Variants in GALNT17 observed in about 807,000 individuals in gnomAD.
The protein encoded by GALNT17 is UDP-GalNAc:polypeptide N-acetylgalactosaminyltransferase-like 3.
A neutral mutation model predicts 63.7 loss-of-function variants in GALNT17; 29 were observed. The observed-to-expected ratio is 0.46, with a 90% CI of 0.34 to 0.62. GALNT17 has a LOEUF of 0.62. GALNT17 is among the 20% of genes least tolerant of loss of function. GALNT17 has a pLI of 0.01. For missense variants in GALNT17, 603 were observed against 799.6 expected, an observed-to-expected ratio of 0.75 and a Z score of 2.97; for synonymous variants, 305 against 318.3, an observed-to-expected ratio of 0.96 and a Z score of 0.45.
chr7:71,320,132 T>C (rs531172094), intron 1 of GALNT17, among the ~76,000 whole-genome samples: 1 of 152,316 alleles, frequency 6.6e-6, no homozygotes, highest in Non-Finnish European at 1.5e-5. Context: ...GTTGAGCAGA[T>C]ACATACTCTC....
chr7:71,580,395 TG>T (rs761240388), intron 6 of GALNT17, among the ~76,000 whole-genome samples: 22,584 of 132,888 alleles, frequency 0.17, 1,951 homozygotes, highest in East Asian at 0.25. Flanking sequence ...AATTGATAGA[TG>T]GATGATAGAT....
chr7:71,624,490 G>GA (rs1417947963), intron 6 of GALNT17, among the ~76,000 whole-genome samples: 1 of 151,712 alleles, frequency 6.6e-6, no homozygotes, highest in Non-Finnish European at 1.5e-5. Flanking sequence ...ATTGCAAGGG[G>GA]AAAAAAATGA....
chr7:71,360,707 C>T (rs1792382642), intron 2 of GALNT17, among the ~76,000 whole-genome samples: 1 of 152,038 alleles, frequency 6.6e-6, no homozygotes, highest in Admixed American at 6.6e-5. Flanking sequence ...CCAAGATGGG[C>T]AGATCACTTG....
chr7:71,407,079 T>C (rs1793341342), intron 3 of GALNT17, among the ~76,000 whole-genome samples: 1 of 152,194 alleles, frequency 6.6e-6, no homozygotes, highest in Non-Finnish European at 1.5e-5. Context: ...ACTGGAAGTT[T>C]CCATTGGGGT....
intron 2 of GALNT17, among the ~76,000 whole-genome samples, chr7:71,385,391 G>A (rs954787572): frequency 6.6e-5 from 10 of 152,192 alleles, no homozygotes; most frequent in African/African-American, 1.9e-4. Flanking sequence ...CCCCTGCCCT[G>A]AGGGATGATG....
intron 1 of GALNT17, among the ~76,000 whole-genome samples, chr7:71,170,791 A>G (rs986083108): frequency 6.6e-6 from 1 of 152,168 alleles, no homozygotes; most frequent in Non-Finnish European, 1.5e-5. Flanking sequence ...TGTATTATAC[A>G]TTTCTCCCAA....
intron 5 of GALNT17, among the ~76,000 whole-genome samples, chr7:71,564,605 T>C (rs1789309843): frequency 2.0e-5 from 3 of 151,888 alleles, no homozygotes; most frequent in Admixed American, 6.6e-5. Flanking sequence ...AATTTTCCTG[T>C]GACACCAACA....
At chr7:71,496,593 TGGA>T (rs1788098522) in intron 5 of GALNT17, among the ~76,000 whole-genome samples, 1 of 150,906 alleles carries the variant, frequency 6.6e-6, no homozygotes, top group East Asian at 2.0e-4. Flanking sequence ...CTGAAAGGAG[TGGA>T]GGAGAGAGAC....
intron 2 of GALNT17, among the ~76,000 whole-genome samples, chr7:71,349,269 G>A (rs1792149734): frequency 1.3e-5 from 2 of 152,180 alleles, no homozygotes; most frequent in Admixed American, 1.3e-4. Context: ...AAGAGCTGGG[G>A]TTATAAATCA....
chr7:71,637,009 AT>A (rs1790536574), intron 6 of GALNT17, among the ~76,000 whole-genome samples: 1 of 152,092 alleles, frequency 6.6e-6, no homozygotes, highest in East Asian at 1.9e-4. Context: ...ACTTAGAGCT[AT>A]TTTTTCTTTA....
intron 1 of GALNT17, among the ~76,000 whole-genome samples, chr7:71,283,708 G>A (rs1790818276): frequency 6.6e-6 from 1 of 152,166 alleles, no homozygotes; most frequent in South Asian, 2.1e-4. Context: ...TGCCGTTCTT[G>A]TGAGTGAGTT....
chr7:71,578,708 C>T (rs1789579314), intron 6 of GALNT17, among the ~76,000 whole-genome samples: 1 of 152,138 alleles, frequency 6.6e-6, no homozygotes, highest in Non-Finnish European at 1.5e-5. Context: ...AACAGCATTT[C>T]CCACTCCCAC....
chr7:71,264,864 T>C (rs1790459038), intron 1 of GALNT17, among the ~76,000 whole-genome samples: 1 of 151,688 alleles, frequency 6.6e-6, no homozygotes, highest in African/African-American at 2.4e-5. Flanking sequence ...GAGAGGTTGG[T>C]TAATGGGTGC....
chr7:71,303,342 A>G (rs1668150273), intron 1 of GALNT17, among the ~76,000 whole-genome samples: 1 of 152,020 alleles, frequency 6.6e-6, no homozygotes, highest in Non-Finnish European at 1.5e-5. Context: ...TTTTGTAGAG[A>G]TGGGATCTCG....
At chr7:71,606,606 T>G (rs78659191) in intron 6 of GALNT17, among the ~76,000 whole-genome samples, 2,952 of 152,260 alleles carry the variant, frequency 0.019, 100 homozygotes, top group African/African-American at 0.068. Context: ...TATCTCTTCG[T>G]GGGCCAGATA....
intron 3 of GALNT17, among the ~76,000 whole-genome samples, chr7:71,394,380 C>G (rs866260762): frequency 9.9e-5 from 15 of 152,176 alleles, no homozygotes; most frequent in Admixed American, 9.8e-4. Context: ...TATTAGGGAT[C>G]ACATTTCAAC....
At chr7:71,657,892 GGATGGA>G (rs1790852591) in intron 6 of GALNT17, among the ~76,000 whole-genome samples, 1 of 21,856 alleles carries the variant, frequency 4.6e-5, no homozygotes, top group Non-Finnish European at 9.8e-5. Flanking sequence ...ATGGATGGAT[GGATGGA>G]TGGATGGGTG....
chr7:71,288,978 G>A (rs779603481), intron 1 of GALNT17, among the ~76,000 whole-genome samples: 6 of 152,094 alleles, frequency 3.9e-5, no homozygotes, highest in Non-Finnish European at 7.4e-5. Flanking sequence ...TTTATGTATG[G>A]GGAAATTGAG....
rs1554310745 is a variant in GALNT17, at chr7:71,572,515, A to AAAC, written c.1080+1115_1080+1116insCAA. Among the ~76,000 whole-genome samples the AAAC allele has an allele frequency of 2.7e-4, 35 of 130,044 alleles. 3 individuals are homozygous for AAAC. The highest frequency in any genetic ancestry group is 4.7e-4 in the South Asian group (2 of 4,266). 85.3% of individuals were successfully genotyped at this position (130,044 alleles called of 152,430 possible). Reference sequence around the variant, plus strand: ...AGACCCTGTCTCATTAAAAAAAAAAAAAAAAAAAAAAAAAACTACATGTTT... The same window carrying AAAC: ...AGACCCTGTCTCATTAAAAAAAAAAAAACAAAAAAAAAAAAAAACTACATGTTT... On this transcript the variant is annotated intron_variant, in intron 6 of 10. Coordinates refer to ENST00000333538, the MANE Select transcript of GALNT17 (RefSeq NM_022479.3).
Sources: allele counts gnomAD v4.1 joint callset (sites outside exome capture counted in the v4.1 genomes callset), GRCh38; gene constraint gnomAD v4.1.1; transcripts MANE v1.5; gene names NCBI Gene and HGNC (gene_info 2026-07-23, HGNC 2026-07-21).